Variants in SNTG2 observed in about 807,000 individuals in gnomAD.
SNTG2 encodes syntrophin gamma 2.
SNTG2 carries 74 observed loss-of-function variants against 70.9 expected under a neutral mutation model. That is an observed-to-expected ratio of 1.04 (90% confidence interval 0.86 to 1.27). The LOEUF (loss-of-function observed/expected upper bound fraction) is 1.27, where lower values mean the gene tolerates loss of function less well. SNTG2 is among the 50% of genes most tolerant of loss of function. The probability of loss-of-function intolerance (pLI) is 0.00; values close to 1 mark genes in which losing one functional copy is unlikely to be tolerated. For synonymous variants in SNTG2, 278 were observed against 273.8 expected (o/e 1.02, Z -0.15); for missense variants, 717 against 690.7 (o/e 1.04, Z -0.43).
chr2:1,124,051 T>C (rs890175312), intron 4 of SNTG2, among the ~76,000 whole-genome samples: 2 of 152,038 alleles, frequency 1.3e-5, no homozygotes, highest in Non-Finnish European at 2.9e-5. Context: ...TTAAGTTCTA[T>C]TGCACAGTGT....
intron 14 of SNTG2, among the ~76,000 whole-genome samples, chr2:1,297,520 C>T (rs146170580): frequency 2.4e-4 from 37 of 152,240 alleles, no homozygotes; most frequent in African/African-American, 8.2e-4. Context: ...TTCCCATCAG[C>T]CCAGCCCTGC....
At chr2:1,358,700 G>T (rs1043680227) in intron 16 of SNTG2, among the ~76,000 whole-genome samples, 5 of 151,908 alleles carry the variant, frequency 3.3e-5, no homozygotes, top group African/African-American at 1.2e-4. Context: ...TCATGCTTTT[G>T]TAGTTGAAGA....
Position 1,269,817 on chromosome 2 carries a change from C to T in SNTG2, c.1284+2246C>T, listed in dbSNP as rs149824961. ...CAGGATTGAGATAATGAAGACCTTT[C>T]GTGGGGAATGGAGGCAATGAGGGTG... On this transcript the variant is annotated intron_variant, in intron 14 of 16. Transcript: ENST00000308624. Among the ~76,000 whole-genome samples, 25 of 152,218 alleles carry T rather than the reference C, an allele frequency of 1.6e-4. No homozygotes were observed. The East Asian group carries it at 3.7e-3, about 22-fold the overall frequency.
intron 1 of SNTG2, among the ~76,000 whole-genome samples, chr2:980,237 C>T (rs1191031677): frequency 6.6e-6 from 1 of 152,162 alleles, no homozygotes; most frequent in African/African-American, 2.4e-5. Context: ...ATGTTAGGAT[C>T]CAGTGCTCAG....
intron 9 of SNTG2, among the ~76,000 whole-genome samples, chr2:1,232,525 T>A (rs1291862293): frequency 6.6e-6 from 1 of 152,122 alleles, no homozygotes; most frequent in African/African-American, 2.4e-5. Context: ...CTTGAACTCC[T>A]GACCTCAGGT....
At chr2:1,305,685 ACT>A (rs1379272247) in intron 14 of SNTG2, among the ~76,000 whole-genome samples, 23 of 152,318 alleles carry the variant, frequency 1.5e-4, no homozygotes, top group Admixed American at 5.2e-4. Context: ...ATGATGAGAC[ACT>A]CTATGTGTCT....
At chr2:1,084,143 C>A (rs934703663) in intron 2 of SNTG2, among the ~76,000 whole-genome samples, 3 of 152,204 alleles carry the variant, frequency 2.0e-5, no homozygotes, top group African/African-American at 7.2e-5. Flanking sequence ...AAACCATTTC[C>A]ATTCCTACGT....
At chr2:1,295,371 A>T (rs1680158045) in intron 14 of SNTG2, among the ~76,000 whole-genome samples, 2 of 152,218 alleles carry the variant, frequency 1.3e-5, no homozygotes, top group South Asian at 2.1e-4. Context: ...TGAAACTTGT[A>T]TAGGGAGAGT....
chr2:1,316,468 G>T (rs758239793), intron 16 of SNTG2, 93 bp downstream of exon 16: 1 of 472,858 alleles, frequency 2.1e-6, no homozygotes. Context: ...CCCCTCCCAT[G>T]CACACAAAAA....
chr2:1,022,518 C>A (rs1331300394), intron 1 of SNTG2, among the ~76,000 whole-genome samples: 1 of 151,884 alleles, frequency 6.6e-6, no homozygotes, highest in Non-Finnish European at 1.5e-5. Flanking sequence ...CCTGAGTTCC[C>A]GTGAGTCCTT....
Position 1,286,994 on chromosome 2 carries a change from G to A in SNTG2, c.1284+19423G>A, listed in dbSNP as rs905424934. On this transcript the variant is annotated intron_variant, in intron 14 of 16. Transcript: ENST00000308624. ...GCTCTTCACTCTTTCAGAATGAGGGGGCTGGTGAGACCAGGTGTGTTCTCC... is the reference window on the plus strand; with the variant it reads ...GCTCTTCACTCTTTCAGAATGAGGGAGCTGGTGAGACCAGGTGTGTTCTCC... Among the ~76,000 whole-genome samples the A allele has an allele frequency of 5.6e-4, 86 of 152,250 alleles. 1 individual carries two copies. Among genetic ancestry groups the A allele is most frequent in the Middle Eastern group, 6.8e-3 (2 of 294 alleles).
chr2:967,349 G>A (rs1381094666), intron 1 of SNTG2, among the ~76,000 whole-genome samples: 1 of 152,192 alleles, frequency 6.6e-6, no homozygotes, highest in African/African-American at 2.4e-5. Context: ...AAATGTCACC[G>A]TATGTACTTT....
chr2:1,039,316 G>C (rs977783833), intron 1 of SNTG2, among the ~76,000 whole-genome samples: 1 of 152,070 alleles, frequency 6.6e-6, no homozygotes, highest in Non-Finnish European at 1.5e-5. Context: ...CTCACAATTA[G>C]ATTGCATTTT....
intron 8 of SNTG2, among the ~76,000 whole-genome samples, chr2:1,208,187 G>T (rs1050418046): frequency 3.9e-5 from 6 of 152,196 alleles, no homozygotes; most frequent in African/African-American, 9.6e-5. Context: ...CACCAGAAAT[G>T]CCTTGTGAGT....
chr2:1,263,680 C>T (rs1678568588), intron 13 of SNTG2, among the ~76,000 whole-genome samples: 1 of 152,098 alleles, frequency 6.6e-6, no homozygotes, highest in African/African-American at 2.4e-5. Flanking sequence ...CGGCCTGGCT[C>T]AGCATTGCCT....
Position 1,222,055 on chromosome 2 carries a change from C to G in SNTG2, c.719+12825C>G, listed in dbSNP as rs1675129301. Among the ~76,000 whole-genome samples, 3 of 94,986 alleles carry G rather than the reference C, an allele frequency of 3.2e-5. 1 individual carries two copies. The highest frequency in any genetic ancestry group is 6.8e-5 in the Non-Finnish European group (3 of 44,344). The allele number at this position is 94,986 out of a possible 152,430, so 62.3% of individuals were successfully genotyped here. On this transcript the variant is annotated intron_variant, in intron 9 of 16. Transcript: ENST00000308624. The stretch of plus-strand genomic sequence containing the variant: ...TATCTCTGTCTCTCTCTGTCTCTCT[C>G]TGTCTCTGTTTCTCTCTGTCTCTGT...
intron 1 of SNTG2, among the ~76,000 whole-genome samples, chr2:1,011,588 CTG>C (rs1203363428): frequency 6.6e-6 from 1 of 152,142 alleles, no homozygotes; most frequent in Non-Finnish European, 1.5e-5. Context: ...GCATAAAAAA[CTG>C]TGATTGTGAT....
Position 1,094,352 on chromosome 2 carries a change from C to CA in SNTG2, c.211-3843dup, listed in dbSNP as rs573812874. Among the ~76,000 whole-genome samples the CA allele has an allele frequency of 2.7e-3, 158 of 58,218 alleles. 40 individuals are homozygous for CA. Among genetic ancestry groups the CA allele is most frequent in the Admixed American group, 5.0e-3 (26 of 5,186 alleles). The allele number at this position is 58,218 out of a possible 152,430, so 38.2% of individuals were successfully genotyped here. A position where few individuals can be genotyped will look rare whatever the true frequency, so the allele number is the denominator to read the frequency against. ...GGCGAAGGCCTTATAGGTGTGTCCT[C>CA]ATATGGTAGAGTTACTGGCAAGGGC... On this transcript the variant is annotated intron_variant, in intron 2 of 16. Coordinates refer to ENST00000308624, the MANE Select transcript of SNTG2 (RefSeq NM_018968.4).
chr2:1,277,044 T>C (rs2148199308), intron 14 of SNTG2, among the ~76,000 whole-genome samples: 1 of 152,352 alleles, frequency 6.6e-6, no homozygotes, highest in East Asian at 1.9e-4. Flanking sequence ...GTTACTCTTA[T>C]GGATAAGCAA....
Sources: allele counts gnomAD v4.1 joint callset (sites outside exome capture counted in the v4.1 genomes callset), GRCh38; gene constraint gnomAD v4.1.1; transcripts MANE v1.5; gene names NCBI Gene and HGNC (gene_info 2026-07-23, HGNC 2026-07-21).